SOCS6: variants seen among roughly 807,000 people sequenced by gnomAD.
SOCS6 encodes the protein STAT induced STAT inhibitor-4.
SOCS6 carries 5 observed loss-of-function variants against 27.7 expected under a neutral mutation model. That is an observed-to-expected ratio of 0.18 (90% CI 0.09 to 0.38). The LOEUF (loss-of-function observed/expected upper bound fraction) is 0.38, where lower values mean the gene tolerates loss of function less well. Ranked by LOEUF, SOCS6 falls within the 10% of genes least tolerant of loss-of-function variation. The pLI is 1.00. For missense variants in SOCS6, 595 were observed against 688.1 expected, an observed-to-expected ratio of 0.86 and a Z score of 1.51; for synonymous variants, 271 against 260.0, an observed-to-expected ratio of 1.04 and a Z score of -0.41.
intron 1 of SOCS6, among the ~76,000 whole-genome samples, chr18:70,306,001 G>A (rs1600155615): frequency 6.6e-6 from 1 of 152,198 alleles, no homozygotes; most frequent in South Asian, 2.1e-4. Context: ...ACTTTGGGAG[G>A]CCAAGGCTGG....
At chr18:70,321,102 A>G (rs1910967161) in intron 1 of SOCS6, among the ~76,000 whole-genome samples, 1 of 151,852 alleles carries the variant, frequency 6.6e-6, no homozygotes, top group Admixed American at 6.6e-5. Flanking sequence ...CATAGACCTC[A>G]TCTCTACAAA....
At chr18:70,300,225 C>T (rs1256866685) in intron 1 of SOCS6, among the ~76,000 whole-genome samples, 6 of 152,006 alleles carry the variant, frequency 3.9e-5, no homozygotes, top group African/African-American at 1.4e-4. Flanking sequence ...CTCCTGGGTT[C>T]AGGTGATTCT....
intron 1 of SOCS6, among the ~76,000 whole-genome samples, chr18:70,320,233 C>A (rs1910927796): frequency 2.0e-5 from 3 of 152,132 alleles, no homozygotes; most frequent in Non-Finnish European, 4.4e-5. Flanking sequence ...AAGTGTTCCA[C>A]CCACCTCAGC....
chr18:70,321,312 GTTTTTTTTTTTTTTTT>G (rs763120236), intron 1 of SOCS6, among the ~76,000 whole-genome samples: 1 of 68,676 alleles, frequency 1.5e-5, no homozygotes, highest in Non-Finnish European at 2.6e-5. Flanking sequence ...AATTTTCTCA[GTTTTTTTTTTTTTTTT>G]TTTTTTTTTT....
intron 1 of SOCS6, among the ~76,000 whole-genome samples, chr18:70,297,642 G>A (rs2062330152): frequency 6.6e-6 from 1 of 152,142 alleles, no homozygotes. Flanking sequence ...TTGGCAATCA[G>A]ATTATTGTTT....
At chr18:70,317,476 A>G (rs1465077154) in intron 1 of SOCS6, among the ~76,000 whole-genome samples, 1 of 138,528 alleles carries the variant, frequency 7.2e-6, no homozygotes, top group Non-Finnish European at 1.5e-5. Context: ...ATATACACAT[A>G]TATACATACA....
intron 1 of SOCS6, among the ~76,000 whole-genome samples, chr18:70,318,172 GT>G (rs540368758): frequency 7.9e-5 from 12 of 151,440 alleles, no homozygotes; most frequent in Non-Finnish European, 1.8e-4. Flanking sequence ...TTATTATATA[GT>G]TTTTTTTTAA....
At chr18:70,297,889 T>G (rs760693644) in intron 1 of SOCS6, among the ~76,000 whole-genome samples, 7 of 152,276 alleles carry the variant, frequency 4.6e-5, no homozygotes, top group Middle Eastern at 3.4e-3. Flanking sequence ...ACTTTAGAAA[T>G]GGGGAAAAGA....
chr18:70,315,890 G>T (rs997312607), intron 1 of SOCS6, among the ~76,000 whole-genome samples: 1 of 151,812 alleles, frequency 6.6e-6, no homozygotes, highest in Admixed American at 6.6e-5. Context: ...TTTTTTTTGA[G>T]ATGGAGTTTC....
intron 1 of SOCS6, among the ~76,000 whole-genome samples, chr18:70,300,890 A>T (rs1600152113): frequency 6.6e-6 from 1 of 152,224 alleles, no homozygotes; most frequent in Non-Finnish European, 1.5e-5. Context: ...TTTTAAATCT[A>T]CCTTTGTAGC....
At chr18:70,292,237 C>T (rs1217784491) in intron 1 of SOCS6, among the ~76,000 whole-genome samples, 5 of 152,208 alleles carry the variant, frequency 3.3e-5, no homozygotes, top group Non-Finnish European at 4.4e-5. Context: ...CGCTCTGTCA[C>T]GTTGAACACG....
chr18:70,290,002 C>T (rs943344086), intron 1 of SOCS6, among the ~76,000 whole-genome samples: 1 of 152,168 alleles, frequency 6.6e-6, no homozygotes, highest in African/African-American at 2.4e-5. Flanking sequence ...GGGTTCCCAT[C>T]CCCACTGTTT....
chr18:70,304,442 T>C (rs185229916), intron 1 of SOCS6, among the ~76,000 whole-genome samples: 49 of 152,314 alleles, frequency 3.2e-4, no homozygotes, highest in African/African-American at 1.2e-3. Flanking sequence ...GTATAAGGTT[T>C]CTGGTTTCTC....
chr18:70,289,590 G>C (rs1396950924), intron 1 of SOCS6, among the ~76,000 whole-genome samples: 1 of 129,798 alleles, frequency 7.7e-6, no homozygotes, highest in Non-Finnish European at 1.8e-5. Flanking sequence ...GGACCTCCGC[G>C]GGCTCGGGCT....
intron 1 of SOCS6, among the ~76,000 whole-genome samples, chr18:70,320,587 C>T (rs746735783): frequency 4.6e-5 from 7 of 152,144 alleles, no homozygotes; most frequent in Non-Finnish European, 8.8e-5. Context: ...TCCACATTCT[C>T]ATAGCTTTTA....
Position 70,327,563 on chromosome 18 carries a change from T to C in SOCS6, c.*1287T>C, listed in dbSNP as rs775536510. On this transcript the variant is annotated 3_prime_UTR_variant, in exon 2 of 2. Coordinates refer to ENST00000397942, the MANE Select transcript of SOCS6 (RefSeq NM_004232.4). ...TTTTAAAATTTAGCTAAGTCTTAAG[T>C]AATTTGCCGTTGCTAATAATTTTAT... The C allele has an allele frequency of 3.5e-4, 59 of 167,066 alleles. No individual in the cohort carries two copies. The highest frequency in any genetic ancestry group is 6.8e-4 in the Non-Finnish European group (46 of 68,102). The allele number at this position is 167,066 out of a possible 1,614,324, so 10.3% of individuals were successfully genotyped here. A position where few individuals can be genotyped will look rare whatever the true frequency, so the allele number is the denominator to read the frequency against.
chr18:70,310,875 G>C (rs1298849386), intron 1 of SOCS6, among the ~76,000 whole-genome samples: 8 of 152,038 alleles, frequency 5.3e-5, no homozygotes, highest in Admixed American at 5.2e-4. Flanking sequence ...TCCATTCCTT[G>C]GTAACTTCTT....
rs147651621 is a variant in SOCS6 at position 70,325,944 on chromosome 18, G to A, written c.1276G>A (p.Gly426Ser). 1 of 1,614,228 alleles carries A rather than the reference G, an allele frequency of 6.2e-7. No homozygotes were observed. The highest frequency in any genetic ancestry group is 1.3e-5 in the African/African-American group (1 of 75,068). The change falls in exon 2 of 2, where the codon GGT (glycine) becomes AGT (serine). Residue 426 changes from glycine (G) to serine (S), a missense_variant. Physicochemically the swap from Gly to Ser is moderately conservative, Grantham distance 56 (BLOSUM62 0). Coordinates refer to ENST00000397942, the MANE Select transcript of SOCS6 (RefSeq NM_004232.4). The surrounding 1 kb of genome is among the most constrained non-coding windows in gnomAD (Gnocchi z 6.3). ...TTTAAGCTTGAGCTTTCGCTCCCAT[G>A]GTAAAACACTTCACACTAGAATTGA... ...YLLSLSFRSH[G>S]KTLHTRIEHS... is the part of the protein sequence containing the mutation.
At chr18:70,311,831 A>AT (rs567533108) in intron 1 of SOCS6, among the ~76,000 whole-genome samples, 122 of 151,354 alleles carry the variant, frequency 8.1e-4, no homozygotes, top group African/African-American at 2.3e-3. Flanking sequence ...TAGTCTGATG[A>AT]TTTTTTTTTA....
Sources: gnomAD v4.1 joint callset for allele counts (sites outside exome capture counted in the v4.1 genomes callset) on GRCh38, gnomAD v4.1.1 for gene constraint, Gnocchi (gnomAD v3.1) non-coding constraint, MANE v1.5 for transcripts, NCBI Gene and HGNC (gene_info 2026-07-23, HGNC 2026-07-21) for gene names.